The following OSMR variants were observed in gnomAD, a reference collection of about 807,000 sequenced individuals.
The protein encoded by OSMR is oncostatin M receptor.
In OSMR, 81 loss-of-function variants were observed where a neutral mutation model predicts 99.9. The observed-to-expected ratio is 0.81, with a 90% confidence interval of 0.68 to 0.97. The LOEUF (loss-of-function observed/expected upper bound fraction) is 0.97, where lower values mean the gene tolerates loss of function less well. Ranked by LOEUF, OSMR falls within the 50% of genes least tolerant of loss-of-function variation. The pLI, the probability that OSMR is intolerant of heterozygous loss-of-function variation, is 0.00. For synonymous variants in OSMR, 406 were observed against 410.4 expected (o/e 0.99, Z 0.13); for missense variants, 1,099 against 1,153.4 (o/e 0.95, Z 0.68).
Position 38,846,293 on chromosome 5 carries a change from C to G in OSMR, c.-108C>G, listed in dbSNP as rs1561320897. The G allele has an allele frequency of 6.6e-6, 1 of 152,298 alleles. No homozygotes were observed. Among genetic ancestry groups the G allele is most frequent in the Non-Finnish European group, 1.5e-5 (1 of 68,112 alleles). 9.4% of individuals were successfully genotyped at this position (152,298 alleles called of 1,614,324 possible). ...CGGGAGTGCAGCAGCCCGTTCCCCT[C>G]CTCGGTGCCGCCTCTGCCCAGCGTT... On this transcript the variant is annotated 5_prime_UTR_variant, in exon 1 of 18. Coordinates refer to ENST00000274276, the MANE Select transcript of OSMR (RefSeq NM_003999.3).
intron 9 of OSMR, among the ~76,000 whole-genome samples, chr5:38,909,376 G>A (rs984152790): frequency 6.6e-6 from 1 of 152,162 alleles, no homozygotes; most frequent in African/African-American, 2.4e-5. Flanking sequence ...GAACTCCTGT[G>A]AGGTACTATA....
intron 9 of OSMR, among the ~76,000 whole-genome samples, chr5:38,911,149 C>T (rs1171237034): frequency 2.6e-5 from 4 of 152,028 alleles, no homozygotes; most frequent in Non-Finnish European, 5.9e-5. Flanking sequence ...TCAACGAATC[C>T]AGGAGTTATT....
chr5:38,942,372 C>T, intron 1 of OSMR: 3 of 1,587,536 alleles, frequency 1.9e-6, no homozygotes, highest in Non-Finnish European at 2.6e-6. Flanking sequence ...TCTGCTTCTT[C>T]ATGCATCTAG....
intron 1 of OSMR, among the ~76,000 whole-genome samples, chr5:38,861,985 C>T (rs1282911486): frequency 7.8e-6 from 1 of 128,352 alleles, no homozygotes; most frequent in African/African-American, 3.0e-5. Context: ...ACCCCCTCAC[C>T]TCCCTCCCGG....
rs774417240 is a variant in OSMR at position 38,932,951 on chromosome 5, C to G, written c.2447C>G (p.Thr816Arg). ...GAAGTTGTAAGCAAGCCAGAAGGGACAAAGATACAGTTCCTAGGCACTAGG... is the reference window on the plus strand; with the variant it reads ...GAAGTTGTAAGCAAGCCAGAAGGGAGAAAGATACAGTTCCTAGGCACTAGG... Reference protein sequence around the residue: ...AIEVVSKPEGTKIQFLGTRKS... With the variant: ...AIEVVSKPEGRKIQFLGTRKS... Residue 816 changes from threonine (T) to arginine (R), a missense_variant, in exon 18 of 18, where the codon ACA becomes AGA. Coordinates refer to ENST00000274276, the MANE Select transcript of OSMR (RefSeq NM_003999.3). The G allele has an allele frequency of 6.2e-7, 1 of 1,614,130 alleles. No individual in the cohort carries two copies. Among genetic ancestry groups the G allele is most frequent in the African/African-American group, 1.3e-5 (1 of 75,036 alleles).
chr5:38,888,541 A>T (rs1743948746), intron 7 of OSMR, among the ~76,000 whole-genome samples: 1 of 152,182 alleles, frequency 6.6e-6, no homozygotes, highest in African/African-American at 2.4e-5. Flanking sequence ...TAACTCCTAT[A>T]ACACTATAGG....
At chr5:38,863,826 A>G (rs1423594846) in intron 1 of OSMR, among the ~76,000 whole-genome samples, 2 of 152,164 alleles carry the variant, frequency 1.3e-5, no homozygotes, top group African/African-American at 4.8e-5. Context: ...TTGCTTTATT[A>G]TATATCTGGA....
intron 9 of OSMR, among the ~76,000 whole-genome samples, chr5:38,908,887 A>G (rs558132474): frequency 1.3e-5 from 2 of 152,338 alleles, no homozygotes; most frequent in South Asian, 4.1e-4. Flanking sequence ...CTTACCTCCA[A>G]AGACCACACT....
At chr5:38,853,873 G>A (rs1406682648) in intron 1 of OSMR, among the ~76,000 whole-genome samples, 2 of 152,074 alleles carry the variant, frequency 1.3e-5, no homozygotes, top group African/African-American at 4.8e-5. Context: ...GGGGTGTGGG[G>A]GACGGACATG....
intron 6 of OSMR, chr5:38,885,810 G>A: frequency 1.1e-6 from 1 of 907,388 alleles, no homozygotes; most frequent in Non-Finnish European, 1.3e-6. Context: ...GGATGTTCTT[G>A]CCACCCACGG....
intron 1 of OSMR, among the ~76,000 whole-genome samples, chr5:38,860,388 G>T (rs905640702): frequency 2.0e-5 from 3 of 152,160 alleles, no homozygotes; most frequent in Non-Finnish European, 2.9e-5. Context: ...TGCATAGGTT[G>T]AACCATCCCT....
chr5:38,854,063 C>T (rs565785488), intron 1 of OSMR, among the ~76,000 whole-genome samples: 36 of 152,050 alleles, frequency 2.4e-4, no homozygotes, highest in Admixed American at 3.9e-4. Context: ...AAAAGATAAC[C>T]GAGCCTGAGA....
intron 1 of OSMR, chr5:38,942,845 T>C (rs144933042): frequency 1.9e-5 from 30 of 1,608,406 alleles, no homozygotes; most frequent in Non-Finnish European, 2.4e-5. Context: ...GTAGAAACTG[T>C]ACATCTTGAA....
At position 38,881,725 on chromosome 5, in the gene OSMR, A is replaced by G; in HGVS notation, c.379A>G (p.Asn127Asp). ...GGACGATGCCAAGTTCCCTGAGCCA[A>G]ATTTCTGGAGCAACTGGAGTTCCTG... ...LVDDAKFPEP[N>D]FWSNWSSWEE... The change falls in exon 4 of 18, where the codon AAT (asparagine) becomes GAT (aspartate). Residue 127 changes from asparagine (N) to aspartate (D), a missense_variant. By Grantham distance (23) the Asn-to-Asp change is conservative. Transcript: ENST00000274276. The G allele has an allele frequency of 6.2e-7, 1 of 1,614,202 alleles. No homozygotes were observed. Among genetic ancestry groups the G allele is most frequent in the Non-Finnish European group, 8.5e-7 (1 of 1,180,032 alleles).
intron 1 of OSMR, among the ~76,000 whole-genome samples, chr5:38,862,683 G>A (rs1426943934): frequency 6.6e-6 from 1 of 151,720 alleles, no homozygotes; most frequent in East Asian, 2.0e-4. Context: ...CAGACGATGG[G>A]CTGCCGGGCA....
At chr5:38,917,913 T>A (rs1746008235) in intron 10 of OSMR, among the ~76,000 whole-genome samples, 1 of 152,158 alleles carries the variant, frequency 6.6e-6, no homozygotes, top group Non-Finnish European at 1.5e-5. Flanking sequence ...CAACCACATA[T>A]GATAGTTAAA....
chr5:38,932,766 T>C, intron 17 of OSMR, 106 bp from the exon 18 acceptor site: 1 of 1,552,898 alleles, frequency 6.4e-7, no homozygotes, highest in Non-Finnish European at 8.7e-7. Context: ...GGAAGAAACA[T>C]GAAGAACATT....
intron 1 of OSMR, among the ~76,000 whole-genome samples, chr5:38,851,803 C>T (rs140189876): frequency 4.6e-5 from 7 of 152,268 alleles, no homozygotes; most frequent in South Asian, 4.1e-4. Flanking sequence ...GAACCCAGTA[C>T]GAGATAACGG....
intron 17 of OSMR, 77 bp from the exon 18 acceptor site, chr5:38,932,795 C>T: frequency 6.3e-7 from 1 of 1,596,566 alleles, no homozygotes; most frequent in Non-Finnish European, 8.5e-7. Context: ...AAGTGTATTT[C>T]ACATGCTTAA....
Sources: gnomAD v4.1 joint callset for allele counts (sites outside exome capture counted in the v4.1 genomes callset) on GRCh38, gnomAD v4.1.1 for gene constraint, MANE v1.5 for transcripts, NCBI Gene and HGNC (gene_info 2026-07-23, HGNC 2026-07-21) for gene names.